Variants in OR2L13 observed in about 807,000 individuals in gnomAD.
The protein encoded by OR2L13 is olfactory receptor family 2 subfamily L member 13, also known as olfactory receptor 2L13.
In OR2L13, 14 loss-of-function variants were observed where a neutral mutation model predicts 15.3. That is an observed-to-expected ratio of 0.91 (90% CI 0.60 to 1.43). OR2L13 has a LOEUF of 1.43. OR2L13 is among the 40% of genes most tolerant of loss of function. The pLI is 0.00. For missense variants in OR2L13, 367 were observed against 387.9 expected (o/e 0.95, Z 0.45); for synonymous variants, 152 against 142.9 (o/e 1.06, Z -0.45).
chr1:248,035,278 G>T, the OR2L13 span, among the ~76,000 whole-genome samples: 1 of 151,854 alleles, frequency 6.6e-6, no homozygotes, highest in Admixed American at 6.6e-5. Flanking sequence ...GTGAAACCCC[G>T]TCTCTACTAA....
the OR2L13 span, among the ~76,000 whole-genome samples, chr1:248,059,827 G>A: frequency 6.6e-6 from 1 of 152,150 alleles, no homozygotes; most frequent in Non-Finnish European, 1.5e-5. Flanking sequence ...GAGGATTGGT[G>A]AGGCCAAGAG....
chr1:248,034,899 G>A, the OR2L13 span, among the ~76,000 whole-genome samples: 1 of 152,150 alleles, frequency 6.6e-6, no homozygotes, highest in Non-Finnish European at 1.5e-5. Flanking sequence ...TGTTGATGTT[G>A]CATGCTGCAA....
At chr1:247,999,272 C>T in the OR2L13 span, among the ~76,000 whole-genome samples, 1 of 152,114 alleles carries the variant, frequency 6.6e-6, no homozygotes, top group Admixed American at 6.6e-5. Flanking sequence ...TAAGCACATC[C>T]TCATTCCAAA....
At chr1:247,944,504 T>C in the OR2L13 span, among the ~76,000 whole-genome samples, 6 of 152,244 alleles carry the variant, frequency 3.9e-5, no homozygotes, top group Non-Finnish European at 8.8e-5. Flanking sequence ...TTCTTCTCCC[T>C]GTGTCAATGT....
chr1:247,957,545 A>G, the OR2L13 span, among the ~76,000 whole-genome samples: 93 of 152,144 alleles, frequency 6.1e-4, 1 homozygote, highest in Non-Finnish European at 1.2e-3. Context: ...TACCTCTGGT[A>G]AATTCGGCTG....
chr1:248,100,438 C>G, exon 3 of OR2L13: 1 of 448,834 alleles, frequency 2.2e-6, no homozygotes, highest in East Asian at 3.4e-5. Context: ...TTTAAGCAGT[C>G]AAATAAATTT....
chr1:247,946,758 A>G, the OR2L13 span, among the ~76,000 whole-genome samples: 1 of 151,980 alleles, frequency 6.6e-6, no homozygotes, highest in Non-Finnish European at 1.5e-5. Flanking sequence ...CAGGTTCCTT[A>G]CCCTTCTCCC....
At chr1:248,099,842 T>C (rs111897765) in exon 3 of OR2L13, 1 of 1,613,978 alleles carries the variant, frequency 6.2e-7, no homozygotes, top group Admixed American at 1.7e-5. Flanking sequence ...ATCAACTCCT[T>C]GGCACACACA....
At chr1:248,067,859 G>A in the OR2L13 span, among the ~76,000 whole-genome samples, 25 of 151,952 alleles carry the variant, frequency 1.6e-4, no homozygotes, top group Non-Finnish European at 2.4e-4. Flanking sequence ...CACCTGGCTC[G>A]GAGGGTCCCA....
chr1:248,038,343 G>A, the OR2L13 span: 52 of 1,613,204 alleles, frequency 3.2e-5, no homozygotes, highest in Middle Eastern at 1.6e-4. Flanking sequence ...TGGCCTTTTC[G>A]TATTCACCCT....
the OR2L13 span, among the ~76,000 whole-genome samples, chr1:248,014,887 C>T: frequency 2.6e-5 from 4 of 152,086 alleles, no homozygotes; most frequent in Non-Finnish European, 4.4e-5. Context: ...GGTATTAAAC[C>T]GAGTCTCTTT....
the OR2L13 span, among the ~76,000 whole-genome samples, chr1:247,938,703 G>T: frequency 0.032 from 4,915 of 152,160 alleles, 252 homozygotes; most frequent in African/African-American, 0.11. Context: ...TCTTAATAAA[G>T]AGTGTAAAGA....
chr1:248,070,901 AT>A, the OR2L13 span, among the ~76,000 whole-genome samples: 1 of 152,206 alleles, frequency 6.6e-6, no homozygotes, highest in Non-Finnish European at 1.5e-5. Context: ...TCCTCGACAC[AT>A]ACACCCTCCC....
At chr1:248,067,946 G>A in the OR2L13 span, among the ~76,000 whole-genome samples, 1 of 152,360 alleles carries the variant, frequency 6.6e-6, no homozygotes, top group East Asian at 1.9e-4. Context: ...CTGGGGGAGG[G>A]GCGCCCGCCA....
chr1:247,952,413 G>A, the OR2L13 span, among the ~76,000 whole-genome samples: 6 of 152,154 alleles, frequency 3.9e-5, no homozygotes, highest in East Asian at 1.2e-3. Context: ...TAGGTCATGA[G>A]GGTAGCACCT....
At chr1:248,025,049 A>T in the OR2L13 span, among the ~76,000 whole-genome samples, 1 of 151,990 alleles carries the variant, frequency 6.6e-6, no homozygotes, top group Non-Finnish European at 1.5e-5. Flanking sequence ...CAAGGACTTC[A>T]TGTCTAAAAC....
At chr1:248,016,653 A>C in the OR2L13 span, among the ~76,000 whole-genome samples, 7 of 152,184 alleles carry the variant, frequency 4.6e-5, no homozygotes, top group East Asian at 1.4e-3. Flanking sequence ...TTTCAGATGT[A>C]CTGCCTAAAA....
the OR2L13 span, among the ~76,000 whole-genome samples, chr1:248,012,322 T>C: frequency 7.2e-4 from 109 of 152,216 alleles, no homozygotes; most frequent in African/African-American, 2.5e-3. Context: ...GATGATTCTG[T>C]CCTGAGATCC....
chr1:247,972,879 A>G, the OR2L13 span, among the ~76,000 whole-genome samples: 1 of 152,202 alleles, frequency 6.6e-6, no homozygotes. Context: ...AATCCTCAAT[A>G]AAATACTGGA....
Sources: allele counts gnomAD v4.1 joint callset (sites outside exome capture counted in the v4.1 genomes callset), GRCh38; gene constraint gnomAD v4.1.1; transcripts MANE v1.5; gene names NCBI Gene and HGNC (gene_info 2026-07-23, HGNC 2026-07-21).